The following DNAJC14 variants were observed in gnomAD, a reference collection of about 807,000 sequenced individuals.
DNAJC14 encodes dnaJ homolog subfamily C member 14.
Under a neutral mutation model 68.8 loss-of-function variants are expected in DNAJC14, and 12 were observed. That is an observed-to-expected ratio of 0.17 (90% CI 0.11 to 0.28). The LOEUF (loss-of-function observed/expected upper bound fraction) is 0.28, where lower values mean the gene tolerates loss of function less well. Among genes scored for constraint, DNAJC14 ranks in the 10% least tolerant of loss-of-function variants. The probability of loss-of-function intolerance (pLI) is 1.00; values close to 1 mark genes in which losing one functional copy is unlikely to be tolerated. For synonymous variants in DNAJC14, 350 were observed against 321.5 expected (o/e 1.09, Z -0.95); for missense variants, 764 against 875.6 (o/e 0.87, Z 1.61).
chr12:55,823,420 T>C lies in DNAJC14; in HGVS notation c.1496A>G (p.Lys499Arg). ...AACTTACATCTCATACTCCTTTCGC[T>C]TTTCAGCATTGCTGACAATGTCCCA... ...AAWDIVSNAE[K>R]RKEYEMKRMA... is the part of the protein sequence containing the mutation. The change falls in exon 3 of 7, where the codon AAG (lysine) becomes AGG (arginine). Residue 499 changes from lysine (K) to arginine (R), a missense_variant. This residue lies in a region of DNAJC14 where 110 missense variants were observed against 162.7 expected (regional missense o/e 0.68). Coordinates refer to ENST00000678005, the MANE Select transcript of DNAJC14 (RefSeq NM_032364.6). The C allele has an allele frequency of 6.2e-7, 1 of 1,614,206 alleles. No individual in the cohort carries two copies. Among genetic ancestry groups the C allele is most frequent in the Non-Finnish European group, 8.5e-7 (1 of 1,180,038 alleles).
rs1368410089 is a variant in DNAJC14, at chr12:55,827,653, C to G, written c.1006G>C (p.Ala336Pro). 1 of 1,612,976 alleles carries G rather than the reference C, an allele frequency of 6.2e-7. No homozygotes were observed. Among genetic ancestry groups the G allele is most frequent in the East Asian group, 2.2e-5 (1 of 44,872 alleles). Residue 336 changes from alanine (A) to proline (P), a missense_variant, in exon 2 of 7, where the codon GCC becomes CCC. Around this residue, in one of 4 missense-constraint regions of DNAJC14, gnomAD observed 514 missense variants for 521.7 expected, o/e 0.99. Transcript: ENST00000678005. Reference protein sequence around the residue: ...LLGALLLLALALFLGFLQLGW... With the variant: ...LLGALLLLALPLFLGFLQLGW... ...AACTGTAGAAAGCCCAAAAAGAGGG[C>G]CAGAGCCAGGAGCAGCAAAGCACCC...
Position 55,822,984 on chromosome 12 carries a change from CAT to C in DNAJC14, c.1634+84_1634+85del, listed in dbSNP as rs1880708938. 3.8e-6 allele frequency: 6 copies of C among 1,566,928 alleles called. No homozygotes were observed. In the Admixed American group the frequency reaches 7.3e-5, roughly 19 times the overall value. ...CTAATTATGAGATACAGATGTAACTCATAATTACCAGTACTCACTAGAAAGAT... is the reference window on the plus strand; with the variant it reads ...CTAATTATGAGATACAGATGTAACTCAATTACCAGTACTCACTAGAAAGAT... On this transcript the variant is annotated intron_variant, in intron 4 of 6. Transcript: ENST00000678005.
intron 1 of DNAJC14, among the ~76,000 whole-genome samples, chr12:55,828,964 G>A (rs1389275921): frequency 6.6e-6 from 1 of 152,208 alleles, no homozygotes; most frequent in African/African-American, 2.4e-5. Context: ...CAGGGAAACA[G>A]GGAGGTACCG....
chr12:55,828,494 C>T lies in DNAJC14; in HGVS notation c.165G>A (p.Glu55=). Reference sequence around the variant, plus strand: ...GCTGTGTGTGCTTAGGACCAGAGTGCTCTGTGAGGCAGCGGGTACCATTAG... The same window carrying T: ...GCTGTGTGTGCTTAGGACCAGAGTGTTCTGTGAGGCAGCGGGTACCATTAG... The part of the protein sequence containing the change: ...TAPNGTRCLT[E]HSGPKHTQHP... Residue 55 remains glutamate (E), a synonymous_variant, in exon 2 of 7, where the codon GAG becomes GAA. Coordinates refer to ENST00000678005, the MANE Select transcript of DNAJC14 (RefSeq NM_032364.6). 1.2e-6 allele frequency: 2 copies of T among 1,614,128 alleles called. No individual in the cohort carries two copies. Among genetic ancestry groups the T allele is most frequent in the South Asian group, 2.2e-5 (2 of 91,080 alleles).
rs530359078 is a variant in DNAJC14 at position 55,828,101 on chromosome 12, C to G, written c.558G>C (p.Val186=). The change falls in exon 2 of 7, where the codon GTG becomes GTC. Residue 186 remains valine (V), a synonymous_variant. Transcript: ENST00000678005. The part of the protein sequence containing the change: ...SLKFPSDFSR[V]SSGKKPPSRR... ...GGGATGGGGGTTTCTTTCCGCTGGA[C>G]ACACGTGAAAAATCACTGGGGAACT... is the stretch of plus-strand genomic sequence containing the variant. 6.2e-7 allele frequency: 1 copy of G among 1,601,204 alleles called. No homozygotes were observed.
Position 55,822,364 on chromosome 12 carries a change from A to G in DNAJC14, c.1898+9T>C, listed in dbSNP as rs763945072. 1.2e-6 allele frequency: 2 copies of G among 1,609,916 alleles called. No homozygotes were observed. The highest frequency in any genetic ancestry group is 2.2e-5 in the South Asian group (2 of 90,438). On this transcript the variant is annotated intron_variant, in intron 6 of 6. Transcript: ENST00000678005. ...TAGTGGATAGATTATTGACAGAAATACCACCTACCTCTGCCGCCCTCTGGT... is the reference window on the plus strand; with the variant it reads ...TAGTGGATAGATTATTGACAGAAATGCCACCTACCTCTGCCGCCCTCTGGT...
rs969834192 is a variant in DNAJC14 at position 55,822,106 on chromosome 12, A to G, written c.1980T>C (p.Asn660=). The part of the protein sequence containing the change: ...IFQVPPGQMP[N]GNFFAAPQPA... ...GCTGAGGAGCTGCAAAGAAGTTCCC[A>G]TTGGGCATCTGCCCTGGGGGTACTT... The change falls in exon 7 of 7, where the codon AAT becomes AAC. Residue 660 remains asparagine (N), a synonymous_variant. Coordinates refer to ENST00000678005, the MANE Select transcript of DNAJC14 (RefSeq NM_032364.6). 5.0e-6 allele frequency: 8 copies of G among 1,613,732 alleles called. No individual in the cohort carries two copies. Among genetic ancestry groups the G allele is most frequent in the Admixed American group, 1.7e-5 (1 of 59,930 alleles).
intron 2 of DNAJC14, 127 bp from the exon 3 acceptor site, chr12:55,823,635 G>T: frequency 1.4e-6 from 1 of 718,506 alleles, no homozygotes; most frequent in Non-Finnish European, 2.4e-6. Context: ...ATGATTAACT[G>T]CTCTGACTCT....
In DNAJC14 at chr12:55,827,756, C is replaced by G. The variant is rs755478582; in HGVS notation, c.903G>C (p.Trp301Cys). The change falls in exon 2 of 7, where the codon TGG becomes TGC. Residue 301 changes from tryptophan to cysteine, a missense_variant. Physicochemically the swap from Trp to Cys is radical, Grantham distance 215. Coordinates refer to ENST00000678005, the MANE Select transcript of DNAJC14 (RefSeq NM_032364.6). ...MGVWTGRLGG[W>C]AQVMFQFLSQ... ...TTAGAAACTGAAACATGACCTGGGC[C>G]CAGCCCCCTAACCGCCCTGTCCACA... The G allele has an allele frequency of 6.2e-7, 1 of 1,614,020 alleles. No individual in the cohort carries two copies. Among genetic ancestry groups the G allele is most frequent in the East Asian group, 2.2e-5 (1 of 44,874 alleles).
In DNAJC14 at chr12:55,821,853, C is replaced by T. The variant is rs1301644321; in HGVS notation, c.*124G>A. The T allele has an allele frequency of 7.9e-6, 9 of 1,135,200 alleles. No homozygotes were observed. Among genetic ancestry groups the T allele is most frequent in the African/African-American group, 1.6e-5 (1 of 63,490 alleles). The allele number at this position is 1,135,200 out of a possible 1,614,324, so 70.3% of individuals were successfully genotyped here. A position where few individuals can be genotyped will look rare whatever the true frequency, so the allele number is the denominator to read the frequency against. On this transcript the variant is annotated 3_prime_UTR_variant, in exon 7 of 7. Transcript: ENST00000678005. ...GCTGGGCAACAGAGCAAGACTCCATCTCAAAAAATAAAAAGAAAAAGATTC... is the reference window on the plus strand; with the variant it reads ...GCTGGGCAACAGAGCAAGACTCCATTTCAAAAAATAAAAAGAAAAAGATTC...
In DNAJC14 at chr12:55,823,477, G is replaced by A; in HGVS notation, c.1439C>T (p.Ala480Val). The change falls in exon 3 of 7, where the codon GCT becomes GTT. Residue 480 changes from alanine to valine, a missense_variant. By Grantham distance (64) the Ala-to-Val change is moderately conservative. This residue lies in a region of DNAJC14 where 110 missense variants were observed against 162.7 expected (regional missense o/e 0.68). Transcript: ENST00000678005. ...VHPDKNHHPR[A>V]EEAFKVLRAA... ...TCGCAAAACCTTGAAGGCCTCCTCA[G>A]CCCGGGGATGATGATTTTTGTCAGG... is the stretch of plus-strand genomic sequence containing the variant. 1 of 1,614,112 alleles carries A rather than the reference G, an allele frequency of 6.2e-7. No homozygotes were observed. The highest frequency in any genetic ancestry group is 1.1e-5 in the South Asian group (1 of 91,088).
Position 55,821,934 on chromosome 12 carries a change from C to T in DNAJC14, c.*43G>A, listed in dbSNP as rs1432850842. Reference sequence around the variant, plus strand: ...ATCAAACTCCATCCTGTGCTACAGCCCTTTTGACTCCCTGACATTGATTTG... The same window carrying T: ...ATCAAACTCCATCCTGTGCTACAGCTCTTTTGACTCCCTGACATTGATTTG... On this transcript the variant is annotated 3_prime_UTR_variant, in exon 7 of 7. Transcript: ENST00000678005. The T allele has an allele frequency of 1.3e-6, 2 of 1,568,064 alleles. No homozygotes were observed. Among genetic ancestry groups the T allele is most frequent in the Admixed American group, 1.8e-5 (1 of 54,120 alleles).
chr12:55,822,126 G>C lies in DNAJC14; in HGVS notation c.1960C>G (p.Pro654Ala). ...TTCCCATTGGGCATCTGCCCTGGGG[G>C]TACTTGAAAGATCCGACTCAAGAAA... ...QDFLSRIFQV[P>A]PGQMPNGNFF... Residue 654 changes from proline (P) to alanine (A), a missense_variant, in exon 7 of 7, where the codon CCC (proline) becomes GCC (alanine). Physicochemically the swap from Pro to Ala is conservative, Grantham distance 27. Around this residue, in one of 4 missense-constraint regions of DNAJC14, gnomAD observed 134 missense variants for 162.3 expected, o/e 0.83. Coordinates refer to ENST00000678005, the MANE Select transcript of DNAJC14 (RefSeq NM_032364.6). 6.2e-7 allele frequency: 1 copy of C among 1,608,716 alleles called. No homozygotes were observed. The highest frequency in any genetic ancestry group is 1.1e-5 in the South Asian group (1 of 90,120).
Position 55,827,465 on chromosome 12 carries a change from C to G in DNAJC14, c.1194G>C (p.Trp398Cys). Residue 398 changes from tryptophan to cysteine, a missense_variant, in exon 2 of 7, where the codon TGG (tryptophan) becomes TGC (cysteine). This residue lies in a region of DNAJC14 where 514 missense variants were observed against 521.7 expected (regional missense o/e 0.99). Transcript: ENST00000678005. ...TCTGCTTGACCCAAGGCAACTCCAG[C>G]CAGCCCCACTGAACTATTCTTACCA... ...QRLVRIVQWG[W>C]LELPWVKQNI... 1.2e-6 allele frequency: 2 copies of G among 1,603,508 alleles called. No individual in the cohort carries two copies. The highest frequency in any genetic ancestry group is 1.7e-6 in the Non-Finnish European group (2 of 1,172,160).
At position 55,823,050 on chromosome 12, in the gene DNAJC14, C is replaced by T; in HGVS notation, c.1634+20G>A. The T allele has an allele frequency of 3.1e-6, 5 of 1,612,758 alleles. No individual in the cohort carries two copies. The highest frequency in any genetic ancestry group is 3.4e-6 in the Non-Finnish European group (4 of 1,179,842). Reference sequence around the variant, plus strand: ...ATCCCTGAGCTGTGATTGTCCCATCCCTCTCCTTCTATTTCATACCTATGC... The same window carrying T: ...ATCCCTGAGCTGTGATTGTCCCATCTCTCTCCTTCTATTTCATACCTATGC... On this transcript the variant is annotated intron_variant, in intron 4 of 6. Coordinates refer to ENST00000678005, the MANE Select transcript of DNAJC14 (RefSeq NM_032364.6).
In DNAJC14 at chr12:55,827,511, T is replaced by G. The variant is rs767626526; in HGVS notation, c.1148A>C (p.Asp383Ala). 54 of 1,604,474 alleles carry G rather than the reference T, an allele frequency of 3.4e-5. No individual in the cohort carries two copies. The East Asian group carries it at 1.1e-3, about 32-fold the overall frequency. The change falls in exon 2 of 7, where the codon GAT becomes GCT. Residue 383 changes from aspartate to alanine, a missense_variant. Transcript: ENST00000678005. ...ALQRCLTLLR[D>A]SRPWQRLVRI... ...TACCAGCCGCTGCCATGGCCTGCTA[T>G]CTCTCAGCAGAGTCAAGCAACGCTG...
chr12:55,829,337 C>A (rs1401271160), intron 1 of DNAJC14, 152 bp downstream of exon 1: 2 of 935,800 alleles, frequency 2.1e-6, no homozygotes, highest in Non-Finnish European at 2.5e-6. Flanking sequence ...CCCAGCTACT[C>A]GGGAGGCTGA....
intron 2 of DNAJC14, among the ~76,000 whole-genome samples, chr12:55,825,852 C>A (rs893138589): frequency 1.3e-5 from 2 of 151,974 alleles, no homozygotes; most frequent in Non-Finnish European, 2.9e-5. Context: ...CCCTGCACAC[C>A]CTCTTATCAA....
Position 55,828,687 on chromosome 12 carries a change from T to G in DNAJC14, c.-29A>C. ...CCCGGGGCTTCCTGAGGGTCTTAGG[T>G]CACAGCCATCATGGTGTGTTCTGAT... On this transcript the variant is annotated 5_prime_UTR_variant, in exon 2 of 7. Coordinates refer to ENST00000678005, the MANE Select transcript of DNAJC14 (RefSeq NM_032364.6). 6.3e-7 allele frequency: 1 copy of G among 1,593,204 alleles called. No individual in the cohort carries two copies. The highest frequency in any genetic ancestry group is 2.2e-5 in the East Asian group (1 of 44,604).
Sources: gnomAD v4.1 joint callset for allele counts (sites outside exome capture counted in the v4.1 genomes callset) on GRCh38, gnomAD v4.1.1 for gene constraint, gnomAD v4.1.1 regional missense constraint, MANE v1.5 for transcripts, NCBI Gene and HGNC (gene_info 2026-07-23, HGNC 2026-07-21) for gene names.